ABCA3: variants seen among roughly 807,000 people sequenced by gnomAD.
ABCA3 encodes ATP binding cassette subfamily A member 3.
In ABCA3, 88 loss-of-function variants were observed where a neutral mutation model predicts 172.8. That is an observed-to-expected ratio of 0.51 (90% confidence interval 0.43 to 0.61). The LOEUF (loss-of-function observed/expected upper bound fraction) is 0.61. ABCA3 is among the 20% of genes least tolerant of loss of function. ABCA3 has a pLI of 0.00. For missense variants in ABCA3, 2,164 were observed against 2,301.0 expected (o/e 0.94, Z 1.22); for synonymous variants, 1,066 against 983.8 (o/e 1.08, Z -1.56).
chr16:2,303,100 C>T (rs1256849114), intron 12 of ABCA3, among the ~76,000 whole-genome samples: 1 of 150,492 alleles, frequency 6.6e-6, no homozygotes, highest in Non-Finnish European at 1.5e-5. Flanking sequence ...CACCCGGCCT[C>T]CAATCACATT....
chr16:2,317,806 C>A, intron 8 of ABCA3, 42 bp from the exon 9 acceptor site: 1 of 1,584,530 alleles, frequency 6.3e-7, no homozygotes. Flanking sequence ...CCCGTCACTG[C>A]CCGCCATGAT....
At chr16:2,293,787 C>T (rs900752308) in intron 18 of ABCA3, among the ~76,000 whole-genome samples, 1 of 151,806 alleles carries the variant, frequency 6.6e-6, no homozygotes, top group African/African-American at 2.4e-5. Context: ...GTGATCCACC[C>T]GCTTCGGCCT....
chr16:2,317,573 T>C, intron 9 of ABCA3, 75 bp downstream of exon 9: 2 of 1,589,546 alleles, frequency 1.3e-6, no homozygotes, highest in Non-Finnish European at 1.7e-6. Flanking sequence ...ACCACAAAGT[T>C]CTTCCCAAGA....
In ABCA3 at chr16:2,283,616, C is replaced by T; in HGVS notation, c.3863-258G>A. 2.0e-6 allele frequency: 1 copy of T among 496,930 alleles called. No homozygotes were observed. 30.8% of individuals were successfully genotyped at this position (496,930 alleles called of 1,614,324 possible). ...GGGCAGCAACAGCCCGCCTGAGAGG[C>T]ACAGGCTCTGCGTGAATCCTGGGCT... On this transcript the variant is annotated intron_variant, in intron 25 of 32. Transcript: ENST00000301732. This position sits in a 1 kb window ranked among gnomAD's most constrained non-coding sequence, Gnocchi z 5.4.
intron 7 of ABCA3, 130 bp from the exon 8 acceptor site, chr16:2,319,970 G>C (rs1017390348): frequency 1.6e-6 from 2 of 1,242,240 alleles, no homozygotes; most frequent in African/African-American, 1.5e-5. Context: ...CAGGACCCCC[G>C]TGGCCGCTCA....
intron 2 of ABCA3, 146 bp from the exon 3 acceptor site, chr16:2,328,903 T>C (rs924812583): frequency 1.3e-5 from 2 of 152,432 alleles, no homozygotes; most frequent in African/African-American, 4.8e-5. Flanking sequence ...GAAGGGTTTT[T>C]TTTTTTTTTT....
chr16:2,300,874 C>A (rs1255526596), intron 12 of ABCA3, among the ~76,000 whole-genome samples: 1 of 152,224 alleles, frequency 6.6e-6, no homozygotes, highest in Non-Finnish European at 1.5e-5. Flanking sequence ...CGGCATCTGG[C>A]ACACACTGCA....
chr16:2,336,292 T>C (rs1323974367), intron 1 of ABCA3, among the ~76,000 whole-genome samples: 3 of 152,132 alleles, frequency 2.0e-5, no homozygotes, highest in Admixed American at 6.5e-5. Context: ...CCAGCCCAAA[T>C]TCATCAAGGG....
Position 2,324,508 on chromosome 16 carries a change from C to G in ABCA3, c.343G>C (p.Asp115His). Residue 115 changes from aspartate to histidine, a missense_variant, in exon 6 of 33, where the codon GAC becomes CAC. Asp to His is a moderately conservative substitution (Grantham distance 81). Transcript: ENST00000301732. ...TCGTACCTAATGTAGTCCTCAAAGTCCTTCTCGGAGGGAAAGCCGCGCACT... is the reference window on the plus strand; with the variant it reads ...TCGTACCTAATGTAGTCCTCAAAGTGCTTCTCGGAGGGAAAGCCGCGCACT... ...MRVRGFPSEK[D>H]FEDYIRYDNC... is the part of the protein sequence containing the mutation. 1 of 1,610,896 alleles carries G rather than the reference C, an allele frequency of 6.2e-7. No homozygotes were observed. The highest frequency in any genetic ancestry group is 8.5e-7 in the Non-Finnish European group (1 of 1,179,980).
Position 2,317,272 on chromosome 16 carries a change from C to T in ABCA3, c.1111+11G>A, listed in dbSNP as rs769524333. 5 of 1,613,866 alleles carry T rather than the reference C, an allele frequency of 3.1e-6. No homozygotes were observed. The South Asian group carries it at 4.4e-5, about 14-fold the overall frequency. ...TTGGCAACCCCACTCTGCCCCATGA[C>T]TGGGGCTCACCTTTGCTGAAGAAGG... On this transcript the variant is annotated intron_variant, in intron 10 of 32. Transcript: ENST00000301732.
At position 2,281,289 on chromosome 16, in the gene ABCA3, A is replaced by G. The variant is rs1483937190; in HGVS notation, c.4165-68T>C. On this transcript the variant is annotated intron_variant, in intron 27 of 32. Transcript: ENST00000301732. This position sits in a 1 kb window ranked among gnomAD's most constrained non-coding sequence, Gnocchi z 4.7. ...CGCAAAGCAGAGCAGTCTGAGCCTCAGCGCCGAAAGCTTCCAGGGATGGGG... is the reference window on the plus strand; with the variant it reads ...CGCAAAGCAGAGCAGTCTGAGCCTCGGCGCCGAAAGCTTCCAGGGATGGGG... 5 of 1,613,026 alleles carry G rather than the reference A, an allele frequency of 3.1e-6. No homozygotes were observed. Among genetic ancestry groups the G allele is most frequent in the Non-Finnish European group, 4.2e-6 (5 of 1,179,834 alleles).
chr16:2,298,631 C>T, intron 14 of ABCA3, 91 bp from the exon 15 acceptor site: 1 of 1,517,664 alleles, frequency 6.6e-7, no homozygotes, highest in Non-Finnish European at 9.0e-7. Context: ...TCTGTCTCCC[C>T]TAATTTCCTC....
Position 2,288,215 on chromosome 16 carries a change from G to A in ABCA3, c.2815C>T (p.Leu939=), listed in dbSNP as rs1555487703. ...GAGTAGTTGATGGCCAGGAGGGCCA[G>A]GGTGACGCAGGTCAGAGGCACCAGG... ...QVLVPLTCVT[L]ALLAINYSSE... is the part of the protein sequence containing the mutation. The change falls in exon 21 of 33, where the codon CTG becomes TTG. Residue 939 remains leucine, a synonymous_variant. Transcript: ENST00000301732. The A allele has an allele frequency of 1.9e-6, 3 of 1,598,732 alleles. No homozygotes were observed. The highest frequency in any genetic ancestry group is 1.7e-5 in the Admixed American group (1 of 57,624).
intron 1 of ABCA3, among the ~76,000 whole-genome samples, chr16:2,338,556 G>A (rs1277076618): frequency 3.9e-5 from 6 of 151,984 alleles, no homozygotes; most frequent in East Asian, 1.9e-4. Flanking sequence ...TGATTGTAAC[G>A]GGAAGCCTGG....
In ABCA3 at chr16:2,287,066, G is replaced by A. The variant is rs2093664334; in HGVS notation, c.3005-99C>T. The A allele has an allele frequency of 1.4e-6, 2 of 1,388,896 alleles. No homozygotes were observed. The highest frequency in any genetic ancestry group is 2.0e-6 in the Non-Finnish European group (2 of 1,009,534). 86.0% of individuals were successfully genotyped at this position (1,388,896 alleles called of 1,614,324 possible). ...CTAATCAGGGACCCAATAGAGTGGT[G>A]CCAGCATCCTCTGAGCTGCCCGCCC... On this transcript the variant is annotated intron_variant, in intron 21 of 32. Transcript: ENST00000301732. This position sits in a 1 kb window ranked among gnomAD's most constrained non-coding sequence, Gnocchi z 4.1.
Position 2,279,767 on chromosome 16 carries a change from A to T in ABCA3, c.4360-637T>A, listed in dbSNP as rs2093652287. Among the ~76,000 whole-genome samples, 1 of 144,008 alleles carries T rather than the reference A, an allele frequency of 6.9e-6. No homozygotes were observed. Among genetic ancestry groups the T allele is most frequent in the Non-Finnish European group, 1.5e-5 (1 of 66,446 alleles). 94.5% of individuals were successfully genotyped at this position (144,008 alleles called of 152,430 possible). On this transcript the variant is annotated intron_variant, in intron 28 of 32. Coordinates refer to ENST00000301732, the MANE Select transcript of ABCA3 (RefSeq NM_001089.3). The surrounding 1 kb of genome is among the most constrained non-coding windows in gnomAD (Gnocchi z 4.4). ...ATTTTTTTTTTTTTTTTTGAGACAG[A>T]GTCTTACTCTGTCTCCCTTACACTG... is the stretch of plus-strand genomic sequence containing the variant.
chr16:2,328,327 C>G (rs113113922), intron 3 of ABCA3, 126 bp downstream of exon 3: 1 of 319,270 alleles, frequency 3.1e-6, no homozygotes, highest in Non-Finnish European at 6.4e-6. Context: ...CCCAGGAGTT[C>G]GAGACCAGCC....
chr16:2,339,357 C>A (rs1231875245), intron 1 of ABCA3: 1 of 151,978 alleles, frequency 6.6e-6, no homozygotes, highest in East Asian at 1.9e-4. Context: ...AAGGGAGAGA[C>A]GTCGTCCTGT....
intron 10 of ABCA3, among the ~76,000 whole-genome samples, chr16:2,309,210 T>C (rs2093702790): frequency 6.6e-6 from 1 of 152,130 alleles, no homozygotes; most frequent in African/African-American, 2.4e-5. Flanking sequence ...CCTTCCAAAG[T>C]GCTGGGATTA....
Sources: allele counts gnomAD v4.1 joint callset (sites outside exome capture counted in the v4.1 genomes callset), GRCh38; gene constraint gnomAD v4.1.1; non-coding constraint Gnocchi (gnomAD v3.1); transcripts MANE v1.5; gene names NCBI Gene and HGNC (gene_info 2026-07-23, HGNC 2026-07-21).